The following PCDHGA12 variants were observed in gnomAD, a reference collection of about 807,000 sequenced individuals.
The protein encoded by PCDHGA12 is protocadherin gamma subfamily A, 12, also known as protocadherin gamma-A12.
A neutral mutation model predicts 61.1 loss-of-function variants in PCDHGA12; 43 were observed. The observed-to-expected ratio is 0.70, with a 90% confidence interval of 0.55 to 0.91. The LOEUF (loss-of-function observed/expected upper bound fraction) is 0.91, where lower values mean the gene tolerates loss of function less well. Among genes scored for constraint, PCDHGA12 ranks in the 40% least tolerant of loss-of-function variants. The pLI is 0.00. For synonymous variants in PCDHGA12, 520 were observed against 542.9 expected, an observed-to-expected ratio of 0.96 and a Z score of 0.59; for missense variants, 1,236 against 1,227.7, an observed-to-expected ratio of 1.01 and a Z score of -0.10.
chr5:141,499,174 C>T (rs930279867), intron 2 of PCDHGA12, among the ~76,000 whole-genome samples: 20 of 152,198 alleles, frequency 1.3e-4, no homozygotes, highest in Middle Eastern at 3.4e-3. Flanking sequence ...AGCTCTGAGC[C>T]CAGCAAACCA....
intron 1 of PCDHGA12, among the ~76,000 whole-genome samples, chr5:141,469,186 G>T (rs536021769): frequency 6.6e-6 from 1 of 151,978 alleles, no homozygotes; most frequent in Admixed American, 6.6e-5. Flanking sequence ...TGAGGCAAGA[G>T]GATTGCTTGA....
rs1350353768 is a variant in PCDHGA12, at chr5:141,476,524, T to A, written c.2425-18283T>A. Reference sequence around the variant, plus strand: ...TCAACGACAACAATCCTGCTTTCCCTACCCAGGAAATGAAATTGGAGATTA... The same window carrying A: ...TCAACGACAACAATCCTGCTTTCCCAACCCAGGAAATGAAATTGGAGATTA... On this transcript the variant is annotated intron_variant, in intron 1 of 3. Coordinates refer to ENST00000252085, the MANE Select transcript of PCDHGA12 (RefSeq NM_003735.3). The surrounding 1 kb of genome is among the most constrained non-coding windows in gnomAD (Gnocchi z 7.6). The A allele has an allele frequency of 1.2e-5, 20 of 1,614,064 alleles. No homozygotes were observed. The highest frequency in any genetic ancestry group is 1.7e-5 in the Non-Finnish European group (20 of 1,180,036).
At position 141,478,749 on chromosome 5, in the gene PCDHGA12, G is replaced by A. The variant is rs1306895064; in HGVS notation, c.2425-16058G>A. On this transcript the variant is annotated intron_variant, in intron 1 of 3. Coordinates refer to ENST00000252085, the MANE Select transcript of PCDHGA12 (RefSeq NM_003735.3). ...GAGTGTGGTTTGTGGTCCCATTTCA[G>A]GGGGAAGATACTTGACTCATCTGTG... The A allele has an allele frequency of 3.3e-6, 5 of 1,524,326 alleles. No homozygotes were observed. The South Asian group carries it at 6.4e-5, about 19-fold the overall frequency. The allele number at this position is 1,524,326 out of a possible 1,614,324, so 94.4% of individuals were successfully genotyped here.
intron 1 of PCDHGA12, chr5:141,442,120 C>G (rs766641164): frequency 6.0e-6 from 1 of 165,340 alleles, no homozygotes; most frequent in Admixed American, 6.5e-5. Flanking sequence ...CCCTCGTCGC[C>G]GACAGCCTGC....
In PCDHGA12 at chr5:141,445,037, GT is replaced by G. The variant is rs2098454887; in HGVS notation, c.2424+11858del. 5.3e-5 allele frequency among the ~76,000 whole-genome samples: 8 copies of G among 152,072 alleles called. No homozygotes were observed. In the South Asian group the frequency reaches 1.7e-3, roughly 32 times the overall value. On this transcript the variant is annotated intron_variant, in intron 1 of 3. Transcript: ENST00000252085. ...TAATTTCTCTCAGCTATGTTGTATAGTTTTCAGTGTAGAGAGGTCATGTATA... is the reference window on the plus strand; with the variant it reads ...TAATTTCTCTCAGCTATGTTGTATAGTTTCAGTGTAGAGAGGTCATGTATA...
intron 1 of PCDHGA12, among the ~76,000 whole-genome samples, chr5:141,439,623 C>T (rs1219064055): frequency 6.6e-6 from 1 of 152,186 alleles, no homozygotes; most frequent in East Asian, 1.9e-4. Context: ...ATGAGCCAAT[C>T]CCCAGACATT....
chr5:141,477,878 C>T lies in PCDHGA12; in HGVS notation c.2425-16929C>T. On this transcript the variant is annotated intron_variant, in intron 1 of 3. Coordinates refer to ENST00000252085, the MANE Select transcript of PCDHGA12 (RefSeq NM_003735.3). The surrounding 1 kb of genome is among the most constrained non-coding windows in gnomAD (Gnocchi z 4.9). ...GCTGCCTCGAGGTACCTCAGCTGGC[C>T]ACCTAGTGTCACGGGTGGTAGGCTG... 2.5e-6 allele frequency: 4 copies of T among 1,614,158 alleles called. No individual in the cohort carries two copies. Among genetic ancestry groups the T allele is most frequent in the Non-Finnish European group, 3.4e-6 (4 of 1,180,008 alleles).
At position 141,490,502 on chromosome 5, in the gene PCDHGA12, T is replaced by C. The variant is rs1408615048; in HGVS notation, c.2425-4305T>C. On this transcript the variant is annotated intron_variant, in intron 1 of 3. Transcript: ENST00000252085. The surrounding 1 kb of genome is among the most constrained non-coding windows in gnomAD (Gnocchi z 5.4). Reference sequence around the variant, plus strand: ...GACCGGGAGGCCACATCCCACTATATCATCGAGCTGCTGGCCAGCGATGCT... The same window carrying C: ...GACCGGGAGGCCACATCCCACTATACCATCGAGCTGCTGGCCAGCGATGCT... 1.2e-6 allele frequency: 2 copies of C among 1,614,094 alleles called. No individual in the cohort carries two copies. The highest frequency in any genetic ancestry group is 1.1e-5 in the South Asian group (1 of 91,076).
intron 1 of PCDHGA12, among the ~76,000 whole-genome samples, chr5:141,444,095 T>C (rs1012556994): frequency 2.0e-5 from 3 of 150,676 alleles, no homozygotes; most frequent in Admixed American, 1.3e-4. Flanking sequence ...CTGCTAAGGA[T>C]TGGAAACCAA....
chr5:141,457,336 C>T (rs1032184011), intron 1 of PCDHGA12, among the ~76,000 whole-genome samples: 6 of 152,158 alleles, frequency 3.9e-5, no homozygotes, highest in Admixed American at 3.3e-4. Context: ...AGGTACCTTA[C>T]TTACTTTCAT....
rs1212381177 is a variant in PCDHGA12 at position 141,438,571 on chromosome 5, TATAC to T, written c.2424+5408_2424+5411del. ...GCCCTAATAAGAGGCAGCTGTCTGATATACATACATACATACATACATATATATA... is the reference window on the plus strand; with the variant it reads ...GCCCTAATAAGAGGCAGCTGTCTGATATACATACATACATACATATATATA... On this transcript the variant is annotated intron_variant, in intron 1 of 3. Transcript: ENST00000252085. 9.4e-4 allele frequency among the ~76,000 whole-genome samples: 89 copies of T among 94,500 alleles called. 1 individual carries two copies. The highest frequency in any genetic ancestry group is 1.8e-3 in the African/African-American group (37 of 20,720). The allele number at this position is 94,500 out of a possible 152,430, so 62.0% of individuals were successfully genotyped here.
Position 141,491,057 on chromosome 5 carries a change from CCTA to C in PCDHGA12, c.2425-3747_2425-3745del. On this transcript the variant is annotated intron_variant, in intron 1 of 3. Coordinates refer to ENST00000252085, the MANE Select transcript of PCDHGA12 (RefSeq NM_003735.3). The surrounding 1 kb of genome is among the most constrained non-coding windows in gnomAD (Gnocchi z 6.9). ...GATGCAGGCCACAATGCGTGGCTCTCCTACTCACTGTTGCCACAGTCCACAGCC... is the reference window on the plus strand; with the variant it reads ...GATGCAGGCCACAATGCGTGGCTCTCCTCACTGTTGCCACAGTCCACAGCC... 6.2e-7 allele frequency: 1 copy of C among 1,614,208 alleles called. No homozygotes were observed. The highest frequency in any genetic ancestry group is 8.5e-7 in the Non-Finnish European group (1 of 1,180,022).
rs1057108915 is a variant in PCDHGA12 at position 141,511,366 on chromosome 5, T to C, written c.*193T>C. The C allele has an allele frequency of 3.8e-6, 5 of 1,306,414 alleles. No individual in the cohort carries two copies. In the Admixed American group the frequency reaches 8.4e-5, roughly 22 times the overall value. The allele number at this position is 1,306,414 out of a possible 1,614,324, so 80.9% of individuals were successfully genotyped here. A position where few individuals can be genotyped will look rare whatever the true frequency, so the allele number is the denominator to read the frequency against. On this transcript the variant is annotated 3_prime_UTR_variant, in exon 4 of 4. Transcript: ENST00000252085. ...CCCTTCCCCCCCAGGGGGTTGAATA[T>C]GCAAAAGCAGTTCCGCTGGGAACCC...
chr5:141,444,043 T>C (rs542828018), intron 1 of PCDHGA12, among the ~76,000 whole-genome samples: 1 of 151,820 alleles, frequency 6.6e-6, no homozygotes, highest in African/African-American at 2.4e-5. Context: ...AATCAGATAA[T>C]TTGGCATCTT....
chr5:141,471,843 T>C (rs1471729261), intron 1 of PCDHGA12, among the ~76,000 whole-genome samples: 2 of 152,166 alleles, frequency 1.3e-5, no homozygotes, highest in Admixed American at 6.5e-5. Context: ...TTTAATAAAA[T>C]ATTCAGAAAA....
rs959855220 is a variant in PCDHGA12, at chr5:141,476,280, G to A, written c.2425-18527G>A. 4 of 1,614,010 alleles carry A rather than the reference G, an allele frequency of 2.5e-6. No individual in the cohort carries two copies. In the African/African-American group the frequency reaches 5.3e-5, roughly 22 times the overall value. On this transcript the variant is annotated intron_variant, in intron 1 of 3. Transcript: ENST00000252085. This position sits in a 1 kb window ranked among gnomAD's most constrained non-coding sequence, Gnocchi z 7.6. ...GTGGGCAACGTGGTCGCGAACCTTG[G>A]TTTGGATCTCGGTAGCCTCTCAGCC...
chr5:141,485,106 T>A lies in PCDHGA12; in HGVS notation c.2425-9701T>A, dbSNP rs2099607051. 8.3e-7 allele frequency: 1 copy of A among 1,206,448 alleles called. No individual in the cohort carries two copies. Among genetic ancestry groups the A allele is most frequent in the Admixed American group, 1.8e-5 (1 of 55,050 alleles). 74.7% of individuals were successfully genotyped at this position (1,206,448 alleles called of 1,614,324 possible). On this transcript the variant is annotated intron_variant, in intron 1 of 3. Coordinates refer to ENST00000252085, the MANE Select transcript of PCDHGA12 (RefSeq NM_003735.3). The surrounding 1 kb of genome is among the most constrained non-coding windows in gnomAD (Gnocchi z 5.7). ...GGGAGATAGGTGTCTCCAGCTGCTG[T>A]GGCTGTTTGGGGCGGGTCGGCTTCA...
In PCDHGA12 at chr5:141,485,126, G is replaced by C; in HGVS notation, c.2425-9681G>C. ...TGCTGTGGCTGTTTGGGGCGGGTCG[G>C]CTTCATCCGCGTCTCAGGAGCAAGT... On this transcript the variant is annotated intron_variant, in intron 1 of 3. Transcript: ENST00000252085. The surrounding 1 kb of genome is among the most constrained non-coding windows in gnomAD (Gnocchi z 5.7). 1.4e-6 allele frequency: 2 copies of C among 1,432,378 alleles called. No homozygotes were observed. The highest frequency in any genetic ancestry group is 2.4e-5 in the South Asian group (2 of 81,724). 88.7% of individuals were successfully genotyped at this position (1,432,378 alleles called of 1,614,324 possible). A position where few individuals can be genotyped will look rare whatever the true frequency, so the allele number is the denominator to read the frequency against.
At chr5:141,463,796 G>T (rs139760353) in intron 1 of PCDHGA12, among the ~76,000 whole-genome samples, 3 of 152,114 alleles carry the variant, frequency 2.0e-5, no homozygotes, top group Non-Finnish European at 2.9e-5. Flanking sequence ...TTGAACAAAT[G>T]TCTAAAAGCT....
Sources: gnomAD v4.1 joint callset for allele counts (sites outside exome capture counted in the v4.1 genomes callset) on GRCh38, gnomAD v4.1.1 for gene constraint, Gnocchi (gnomAD v3.1) non-coding constraint, MANE v1.5 for transcripts, NCBI Gene and HGNC (gene_info 2026-07-23, HGNC 2026-07-21) for gene names.